Variants in ACO2 observed in about 807,000 individuals in gnomAD.
The protein encoded by ACO2 is aconitate hydratase, mitochondrial.
A neutral mutation model predicts 84.5 loss-of-function variants in ACO2; 31 were observed. That is an observed-to-expected ratio of 0.37 (90% CI 0.28 to 0.50). ACO2 has a LOEUF of 0.50. Among genes scored for constraint, ACO2 ranks in the 20% least tolerant of loss-of-function variants. The pLI, the probability that ACO2 is intolerant of heterozygous loss-of-function variation, is 0.97. For synonymous variants in ACO2, 414 were observed against 412.7 expected, an observed-to-expected ratio of 1.00 and a Z score of -0.04; for missense variants, 685 against 1,029.3, an observed-to-expected ratio of 0.67 and a Z score of 4.58.
Position 41,527,823 on chromosome 22 carries a change from G to A in ACO2, c.2087-78G>A, listed in dbSNP as rs2066635134. 1.7e-5 allele frequency: 27 copies of A among 1,605,640 alleles called. No individual in the cohort carries two copies. In the South Asian group the frequency reaches 3.0e-4, roughly 18 times the overall value. The stretch of plus-strand genomic sequence containing the variant: ...GCAGCAGGATTAGGGGCATCTCCCA[G>A]AGCCCCAGATGGGTTCAGAAAATGA... On this transcript the variant is annotated intron_variant, in intron 16 of 17. Transcript: ENST00000216254.
chr22:41,513,397 T>C (rs1385373671), intron 4 of ACO2, among the ~76,000 whole-genome samples: 1 of 152,232 alleles, frequency 6.6e-6, no homozygotes, highest in Non-Finnish European at 1.5e-5. Context: ...CTTTACTTTC[T>C]TCCCGCCTTG....
At chr22:41,516,066 G>A (rs1328618999) in intron 6 of ACO2, 149 bp downstream of exon 6, 2 of 984,424 alleles carry the variant, frequency 2.0e-6, no homozygotes, top group Non-Finnish European at 3.2e-6. Flanking sequence ...AAGGAAAATT[G>A]GAGACAGCAT....
chr22:41,517,576 C>G lies in ACO2; in HGVS notation c.885C>G (p.Ser295=), dbSNP rs560040600. The part of the protein sequence containing the change: ...NMGAEIGATT[S]VFPYNHRMKK... Reference sequence around the variant, plus strand: ...GTGCAGAAATTGGGGCCACCACTTCCGTGTTCCCTTACAACCACAGGATGA... The same window carrying G: ...GTGCAGAAATTGGGGCCACCACTTCGGTGTTCCCTTACAACCACAGGATGA... The change falls in exon 7 of 18, where the codon TCC becomes TCG. Residue 295 remains serine, a synonymous_variant. Transcript: ENST00000216254. The G allele has an allele frequency of 6.2e-7, 1 of 1,614,092 alleles. No homozygotes were observed. The highest frequency in any genetic ancestry group is 8.5e-7 in the Non-Finnish European group (1 of 1,180,020).
chr22:41,473,898 G>A (rs1601874667), intron 1 of ACO2, among the ~76,000 whole-genome samples: 1 of 152,176 alleles, frequency 6.6e-6, no homozygotes, highest in Admixed American at 6.5e-5. Context: ...CCTGAGGAGC[G>A]AAAGGTCTGA....
chr22:41,527,319 A>C lies in ACO2; in HGVS notation c.1985A>C (p.Asp662Ala). The C allele has an allele frequency of 6.2e-7, 1 of 1,614,074 alleles. No individual in the cohort carries two copies. Among genetic ancestry groups the C allele is most frequent in the Non-Finnish European group, 8.5e-7 (1 of 1,179,986 alleles). The change falls in exon 16 of 18, where the codon GAC becomes GCC. Residue 662 changes from aspartate (D) to alanine (A), a missense_variant. Transcript: ENST00000216254. Reference sequence around the variant, plus strand: ...GGCATCAGGTGGGTGGTGATCGGAGACGAGAACTACGGCGAGGGCTCGAGC... The same window carrying C: ...GGCATCAGGTGGGTGGTGATCGGAGCCGAGAACTACGGCGAGGGCTCGAGC... ...KHGIRWVVIG[D>A]ENYGEGSSRE...
At chr22:41,474,124 T>G (rs1333907716) in intron 1 of ACO2, among the ~76,000 whole-genome samples, 2 of 151,762 alleles carry the variant, frequency 1.3e-5, no homozygotes, top group African/African-American at 4.8e-5. Flanking sequence ...ACTAGGGATC[T>G]GGGGGGTGGA....
At chr22:41,525,574 T>C (rs558540781) in intron 14 of ACO2, among the ~76,000 whole-genome samples, 3 of 152,326 alleles carry the variant, frequency 2.0e-5, no homozygotes, top group South Asian at 4.1e-4. Flanking sequence ...AGCCTCCGTC[T>C]GGGGCCCTCA....
chr22:41,498,981 C>T (rs968033789), intron 1 of ACO2, among the ~76,000 whole-genome samples: 2 of 151,832 alleles, frequency 1.3e-5, no homozygotes, highest in Non-Finnish European at 2.9e-5. Context: ...GTAATCCCAG[C>T]TACTGGGAAG....
At chr22:41,506,087 TG>T (rs1287959652) in intron 2 of ACO2, among the ~76,000 whole-genome samples, 1 of 151,902 alleles carries the variant, frequency 6.6e-6, no homozygotes, top group Non-Finnish European at 1.5e-5. Flanking sequence ...GTTTTTTTTT[TG>T]TTTGTTTGTT....
At chr22:41,485,304 T>G (rs948231611) in intron 1 of ACO2, among the ~76,000 whole-genome samples, 1 of 151,754 alleles carries the variant, frequency 6.6e-6, no homozygotes, top group Non-Finnish European at 1.5e-5. Flanking sequence ...ATTTCCTGCT[T>G]TGTCTTTTTT....
intron 1 of ACO2, among the ~76,000 whole-genome samples, chr22:41,470,289 C>T (rs576012340): frequency 6.6e-6 from 1 of 152,242 alleles, no homozygotes; most frequent in African/African-American, 2.4e-5. Context: ...GATCAAGTGG[C>T]GCAACTTTGA....
chr22:41,503,072 A>G (rs962305389), intron 2 of ACO2, among the ~76,000 whole-genome samples: 1 of 152,246 alleles, frequency 6.6e-6, no homozygotes, highest in Non-Finnish European at 1.5e-5. Context: ...ATAACTTGAC[A>G]ACAGAGTATT....
chr22:41,514,609 G>A (rs1337650226), intron 4 of ACO2, among the ~76,000 whole-genome samples: 1 of 152,208 alleles, frequency 6.6e-6, no homozygotes, highest in Non-Finnish European at 1.5e-5. Context: ...GAGGTGCCTG[G>A]TGCCTGGGCC....
At chr22:41,485,121 C>T (rs1029104284) in intron 1 of ACO2, among the ~76,000 whole-genome samples, 8 of 152,240 alleles carry the variant, frequency 5.3e-5, no homozygotes, top group Non-Finnish European at 1.0e-4. Context: ...AGGTAATCCA[C>T]CCACCTCAGC....
In ACO2 at chr22:41,522,952, G is replaced by C; in HGVS notation, c.1261G>C (p.Glu421Gln). Residue 421 changes from glutamate to glutamine, a missense_variant, in exon 10 of 18, where the codon GAG becomes CAG. This residue lies in a region of ACO2 where 311 missense variants were observed against 441.6 expected (regional missense o/e 0.70). Transcript: ENST00000216254. ...KSQFTITPGS[E>Q]QIRATIERDG... ...CCAGTTCACCATCACTCCAGGTTCC[G>C]AGCAGATCCGCGCCACCATTGAGCG... 6.2e-7 allele frequency: 1 copy of C among 1,614,204 alleles called. No homozygotes were observed. Among genetic ancestry groups the C allele is most frequent in the Non-Finnish European group, 8.5e-7 (1 of 1,180,048 alleles).
chr22:41,485,434 A>ATTT (rs71184813), intron 1 of ACO2, among the ~76,000 whole-genome samples: 30 of 69,026 alleles, frequency 4.3e-4, no homozygotes, highest in South Asian at 9.9e-4. Context: ...TGCCCGGCTA[A>ATTT]TTTTTTTTTT....
chr22:41,497,966 A>T (rs529739851), intron 1 of ACO2, among the ~76,000 whole-genome samples: 4 of 152,050 alleles, frequency 2.6e-5, no homozygotes, highest in Non-Finnish European at 5.9e-5. Context: ...CAACATGGTG[A>T]AACCCTGTCT....
At chr22:41,476,568 G>C (rs1318200493) in intron 1 of ACO2, among the ~76,000 whole-genome samples, 1 of 151,544 alleles carries the variant, frequency 6.6e-6, no homozygotes, top group Non-Finnish European at 1.5e-5. Context: ...AAATTAGCTG[G>C]GTGTGTGGGT....
intron 1 of ACO2, among the ~76,000 whole-genome samples, chr22:41,486,933 G>A (rs1008415436): frequency 1.3e-5 from 2 of 151,826 alleles, no homozygotes; most frequent in African/African-American, 4.8e-5. Flanking sequence ...GCCCAGGCTG[G>A]AGTGCAGTGG....
Sources: allele counts gnomAD v4.1 joint callset (sites outside exome capture counted in the v4.1 genomes callset), GRCh38; gene constraint gnomAD v4.1.1; regional missense constraint gnomAD v4.1.1; transcripts MANE v1.5; gene names NCBI Gene and HGNC (gene_info 2026-07-23, HGNC 2026-07-21).